The following BTBD19 variants were observed in gnomAD, a reference collection of about 807,000 sequenced individuals.
The protein encoded by BTBD19 is BTB domain containing 19, also known as BTB/POZ domain-containing protein 19.
A neutral mutation model predicts 36.1 loss-of-function variants in BTBD19; 20 were observed. The observed-to-expected ratio is 0.55, with a 90% confidence interval of 0.39 to 0.80. The LOEUF (loss-of-function observed/expected upper bound fraction) is 0.80. Among genes scored for constraint, BTBD19 ranks in the 30% least tolerant of loss-of-function variants. BTBD19 has a pLI of 0.00. For synonymous variants in BTBD19, 157 were observed against 174.3 expected (o/e 0.90, Z 0.78); for missense variants, 325 against 389.8 (o/e 0.83, Z 1.40).
At chr1:44,812,193 G>A in intron 4 of BTBD19, 95 bp downstream of exon 4, 1 of 958,168 alleles carries the variant, frequency 1.0e-6, no homozygotes, top group East Asian at 6.1e-5. Flanking sequence ...TGTCTGGCCT[G>A]GAAATAACTT....
chr1:44,810,444 G>A lies in BTBD19; in HGVS notation c.300+18G>A, dbSNP rs1652350969. ...GCCACTCTGTGAGCCTGCTGACCAG[G>A]GGCCTGGGTGGGAGAGGTGGGGGGT... On this transcript the variant is annotated intron_variant, in intron 2 of 7. Transcript: ENST00000450269. The surrounding 1 kb of genome is among the most constrained non-coding windows in gnomAD (Gnocchi z 4.2). The A allele has an allele frequency of 2.6e-6, 4 of 1,551,170 alleles. No homozygotes were observed. Among genetic ancestry groups the A allele is most frequent in the Non-Finnish European group, 2.6e-6 (3 of 1,146,536 alleles).
Position 44,813,510 on chromosome 1 carries a change from G to A in BTBD19, c.741+11G>A. ...GAACCACTCATCCCGGTGGGGACGC[G>A]GGGAACCGGCCCAGCTCCACTCAGC... On this transcript the variant is annotated intron_variant, in intron 7 of 7. Coordinates refer to ENST00000450269, the Ensembl canonical transcript of BTBD19. This position sits in a 1 kb window ranked among gnomAD's most constrained non-coding sequence, Gnocchi z 7.8. The A allele has an allele frequency of 6.5e-7, 1 of 1,549,902 alleles. No homozygotes were observed.
At position 44,810,463 on chromosome 1, in the gene BTBD19, G is replaced by C. The variant is rs1249262886; in HGVS notation, c.300+37G>C. On this transcript the variant is annotated intron_variant, in intron 2 of 7. Transcript: ENST00000450269. This position sits in a 1 kb window ranked among gnomAD's most constrained non-coding sequence, Gnocchi z 4.2. The stretch of plus-strand genomic sequence containing the variant: ...GACCAGGGGCCTGGGTGGGAGAGGT[G>C]GGGGGTGCCAGAGGCAGGAGTTTGC... The C allele has an allele frequency of 9.7e-6, 15 of 1,550,140 alleles. No homozygotes were observed. Among genetic ancestry groups the C allele is most frequent in the Non-Finnish European group, 1.3e-5 (15 of 1,145,898 alleles).
Position 44,813,713 on chromosome 1 carries a change from C to T in BTBD19, c.817C>T (p.Arg273Cys), listed in dbSNP as rs1399531511. The T allele has an allele frequency of 6.4e-7, 1 of 1,551,496 alleles. No individual in the cohort carries two copies. Among genetic ancestry groups the T allele is most frequent in the South Asian group, 1.2e-5 (1 of 84,050 alleles). ...TGAGGCCCGGGGCGCCCCGTGTCGC[C>T]GCCGGAGAGGCACCCTGCCCCGGGA... Residue 273 changes from arginine to cysteine, a missense_variant, in exon 8 of 8, where the codon CGC becomes TGC. By Grantham distance (180) the Arg-to-Cys change is radical. Coordinates refer to ENST00000450269, the Ensembl canonical transcript of BTBD19. The surrounding 1 kb of genome is among the most constrained non-coding windows in gnomAD (Gnocchi z 7.8).
exon 1 of BTBD19, chr1:44,808,732 T>G: frequency 7.9e-6 from 7 of 891,516 alleles, no homozygotes; most frequent in Non-Finnish European, 9.9e-6. Context: ...AGTCCCTGCT[T>G]CTCCCTCTCA....
chr1:44,808,546 C>T (rs1159551157), exon 1 of BTBD19: 1 of 320,712 alleles, frequency 3.1e-6, no homozygotes, highest in Non-Finnish European at 5.7e-6. Flanking sequence ...CCGCCGCCGC[C>T]GCCGCCAGCC....
In BTBD19 at chr1:44,810,676, C is replaced by T. The variant is rs964629877; in HGVS notation, c.354+69C>T. The T allele has an allele frequency of 1.4e-6, 2 of 1,422,640 alleles. No homozygotes were observed. The highest frequency in any genetic ancestry group is 1.9e-6 in the Non-Finnish European group (2 of 1,061,748). 88.1% of individuals were successfully genotyped at this position (1,422,640 alleles called of 1,614,324 possible). A position where few individuals can be genotyped will look rare whatever the true frequency, so the allele number is the denominator to read the frequency against. On this transcript the variant is annotated intron_variant, in intron 3 of 7. Transcript: ENST00000450269. This position sits in a 1 kb window ranked among gnomAD's most constrained non-coding sequence, Gnocchi z 4.2. ...CACGGGCTCACTTCCCGCCCTGCCT[C>T]ACACACACTCTGGCCTGGAGAGGAA...
Position 44,810,226 on chromosome 1 carries a change from G to A in BTBD19, c.100G>A (p.Val34Met), listed in dbSNP as rs974503613. The change falls in exon 2 of 8, where the codon GTG becomes ATG. Residue 34 changes from valine (V) to methionine (M), a missense_variant. Physicochemically the swap from Val to Met is conservative, Grantham distance 21. Transcript: ENST00000450269. This position sits in a 1 kb window ranked among gnomAD's most constrained non-coding sequence, Gnocchi z 4.2. ...TGTCTCCCACAGTGATGTTTGCTTC[G>A]TGGTTGGTCAAGAACGGCAGGAGGT... is the stretch of plus-strand genomic sequence containing the variant. 5.8e-6 allele frequency: 9 copies of A among 1,551,772 alleles called. No individual in the cohort carries two copies. Among genetic ancestry groups the A allele is most frequent in the East Asian group, 4.9e-5 (2 of 40,926 alleles).
At chr1:44,814,230 C>CTTT (rs764599840), downstream of BTBD19, 7,863 of 88,002 alleles carry the variant, frequency 0.089, 658 homozygotes, top group African/African-American at 0.25. Context: ...CTTTCTCTTT[C>CTTT]CTTCCTTCCT....
chr1:44,814,051 C>T (rs1652571035), exon 8 of BTBD19: 2 of 572,328 alleles, frequency 3.5e-6, no homozygotes, highest in South Asian at 2.0e-5. Flanking sequence ...CCTGACTCTA[C>T]GCCCTGCCCC....
rs538321731 is a variant in BTBD19 at position 44,813,481 on chromosome 1, G to T, written c.723G>T (p.Arg241=). 2.1e-4 allele frequency: 330 copies of T among 1,551,018 alleles called. 3 individuals carry two copies. The South Asian group carries it at 2.5e-3, about 12-fold the overall frequency. ...TGAGCGCCCTGGAAGAGCAGAACCGGCAGGAACCACTCATCCCGGTGGGGA... is the reference window on the plus strand; with the variant it reads ...TGAGCGCCCTGGAAGAGCAGAACCGTCAGGAACCACTCATCCCGGTGGGGA... The change falls in exon 7 of 8, where the codon CGG becomes CGT. Residue 241 remains arginine, a synonymous_variant. Coordinates refer to ENST00000450269, the Ensembl canonical transcript of BTBD19. The surrounding 1 kb of genome is among the most constrained non-coding windows in gnomAD (Gnocchi z 7.8).
At position 44,810,675 on chromosome 1, in the gene BTBD19, T is replaced by A; in HGVS notation, c.354+68T>A. On this transcript the variant is annotated intron_variant, in intron 3 of 7. Coordinates refer to ENST00000450269, the Ensembl canonical transcript of BTBD19. This position sits in a 1 kb window ranked among gnomAD's most constrained non-coding sequence, Gnocchi z 4.2. Reference sequence around the variant, plus strand: ...TCACGGGCTCACTTCCCGCCCTGCCTCACACACACTCTGGCCTGGAGAGGA... The same window carrying A: ...TCACGGGCTCACTTCCCGCCCTGCCACACACACACTCTGGCCTGGAGAGGA... 1 of 1,421,552 alleles carries A rather than the reference T, an allele frequency of 7.0e-7. No homozygotes were observed. Among genetic ancestry groups the A allele is most frequent in the Non-Finnish European group, 9.4e-7 (1 of 1,060,708 alleles). 88.1% of individuals were successfully genotyped at this position (1,421,552 alleles called of 1,614,324 possible). A position where few individuals can be genotyped will look rare whatever the true frequency, so the allele number is the denominator to read the frequency against.
chr1:44,811,476 A>G (rs1188838639), intron 3 of BTBD19, among the ~76,000 whole-genome samples: 1 of 152,178 alleles, frequency 6.6e-6, no homozygotes, highest in Non-Finnish European at 1.5e-5. Context: ...GCAAGACGAG[A>G]CTGCAGAGGA....
Position 44,812,977 on chromosome 1 carries a change from T to A in BTBD19, c.415-19T>A, listed in dbSNP as rs1179753065. ...GGCCTCTCCAGTCTCCAACCTGATC[T>A]CCCTCATTCTGCTCGCAGGTGGCCG... On this transcript the variant is annotated intron_variant, in intron 4 of 7. Transcript: ENST00000450269. 1 of 1,542,902 alleles carries A rather than the reference T, an allele frequency of 6.5e-7. No individual in the cohort carries two copies. Among genetic ancestry groups the A allele is most frequent in the South Asian group, 1.2e-5 (1 of 83,162 alleles).
At chr1:44,812,934 G>T (rs1652492244) in intron 4 of BTBD19, 62 bp from the exon 5 acceptor site, 2 of 1,436,638 alleles carry the variant, frequency 1.4e-6, no homozygotes, top group South Asian at 1.3e-5. Flanking sequence ...GTGGGTCCCA[G>T]TGAGCAGGCT....
Position 44,810,819 on chromosome 1 carries a change from G to T in BTBD19, c.354+212G>T. ...CCCTGTGTGTGCTGTGGGAAGAGGG[G>T]GTGATTATGGCTGGTGCTGTAGATA... On this transcript the variant is annotated intron_variant, in intron 3 of 7. Transcript: ENST00000450269. This position sits in a 1 kb window ranked among gnomAD's most constrained non-coding sequence, Gnocchi z 4.2. 1 of 380,974 alleles carries T rather than the reference G, an allele frequency of 2.6e-6. No homozygotes were observed. 23.6% of individuals were successfully genotyped at this position (380,974 alleles called of 1,614,324 possible).
At position 44,813,629 on chromosome 1, in the gene BTBD19, G is replaced by A; in HGVS notation, c.742-9G>A. On this transcript the variant is annotated splice_polypyrimidine_tract_variant and intron_variant, in intron 7 of 7. Coordinates refer to ENST00000450269, the Ensembl canonical transcript of BTBD19. This position sits in a 1 kb window ranked among gnomAD's most constrained non-coding sequence, Gnocchi z 7.8. ...GCGGGACTGCGCACTAACTGGCCTTGCTCTGCAGGTGGAGCAGATTGTGGA... is the reference window on the plus strand; with the variant it reads ...GCGGGACTGCGCACTAACTGGCCTTACTCTGCAGGTGGAGCAGATTGTGGA... The A allele has an allele frequency of 6.5e-7, 1 of 1,548,186 alleles. No homozygotes were observed. The highest frequency in any genetic ancestry group is 8.7e-7 in the Non-Finnish European group (1 of 1,144,354).
exon 1 of BTBD19, chr1:44,808,840 T>C (rs1652257741): frequency 6.5e-7 from 1 of 1,549,522 alleles, no homozygotes; most frequent in Non-Finnish European, 8.7e-7. Context: ...TTGGGACTGG[T>C]CGTGCATGGG....
chr1:44,808,918 G>T lies in BTBD19; in HGVS notation c.86+12G>T. ...AACCCGCGATACAGGTGAGGGGTGG[G>T]CCCTGCCTGCGGGTTTTTCTTAGCT... On this transcript the variant is annotated intron_variant, in intron 1 of 7. Coordinates refer to ENST00000450269, the Ensembl canonical transcript of BTBD19. The T allele has an allele frequency of 6.5e-7, 1 of 1,531,944 alleles. No individual in the cohort carries two copies. The highest frequency in any genetic ancestry group is 8.8e-7 in the Non-Finnish European group (1 of 1,136,344). The allele number at this position is 1,531,944 out of a possible 1,614,324, so 94.9% of individuals were successfully genotyped here.
Sources: allele counts gnomAD v4.1 joint callset (sites outside exome capture counted in the v4.1 genomes callset), GRCh38; gene constraint gnomAD v4.1.1; non-coding constraint Gnocchi (gnomAD v3.1); transcripts MANE v1.5; gene names NCBI Gene and HGNC (gene_info 2026-07-23, HGNC 2026-07-21).